Variants in GK5 observed in about 807,000 individuals in gnomAD.
The protein encoded by GK5 is ATP:glycerol 3-phosphotransferase 5.
GK5 carries 39 observed loss-of-function variants against 77.3 expected under a neutral mutation model. That is an observed-to-expected ratio of 0.50 (90% CI 0.39 to 0.66). The LOEUF (loss-of-function observed/expected upper bound fraction) is 0.66, where lower values mean the gene tolerates loss of function less well. GK5 is among the 30% of genes least tolerant of loss of function. The pLI, the probability that GK5 is intolerant of heterozygous loss-of-function variation, is 0.00. For missense variants in GK5, 487 were observed against 633.8 expected (o/e 0.77, Z 2.49); for synonymous variants, 211 against 208.0 (o/e 1.01, Z -0.13).
chr3:142,187,628 TCTA>T (rs901965054), intron 6 of GK5, 73 bp downstream of exon 6: 9 of 1,093,350 alleles, frequency 8.2e-6, no homozygotes, highest in Non-Finnish European at 1.2e-5. Flanking sequence ...AAAAGTAACT[TCTA>T]CTTTTTTTAG....
intron 12 of GK5, chr3:142,173,011 T>C (rs1230176842): frequency 7.5e-6 from 2 of 265,620 alleles, no homozygotes; most frequent in African/African-American, 4.5e-5. Flanking sequence ...AACACTATCC[T>C]GGGCAACAAA....
chr3:142,173,991 C>A (rs570833719), intron 12 of GK5, among the ~76,000 whole-genome samples: 1 of 152,132 alleles, frequency 6.6e-6, no homozygotes, highest in South Asian at 2.1e-4. Flanking sequence ...AAACTCTGGA[C>A]CCCAGAGACT....
chr3:142,200,866 A>G (rs1028598371), intron 4 of GK5, among the ~76,000 whole-genome samples: 1 of 152,260 alleles, frequency 6.6e-6, no homozygotes, highest in African/African-American at 2.4e-5. Context: ...CAATATGGGC[A>G]GAATCCTTGT....
At chr3:142,183,203 G>A in intron 9 of GK5, 154 bp from the exon 10 acceptor site, 1 of 632,960 alleles carries the variant, frequency 1.6e-6, no homozygotes, top group South Asian at 2.3e-5. Context: ...AAGAGAATAG[G>A]GAGCAACAAC....
chr3:142,180,087 C>T (rs753686364), intron 11 of GK5, among the ~76,000 whole-genome samples: 11 of 152,084 alleles, frequency 7.2e-5, no homozygotes, highest in Non-Finnish European at 1.6e-4. Context: ...CCTATGGTAG[C>T]GGCAATGGCA....
intron 6 of GK5, among the ~76,000 whole-genome samples, chr3:142,187,304 A>G (rs577222511): frequency 6.9e-5 from 10 of 144,136 alleles, no homozygotes; most frequent in South Asian, 2.2e-4. Context: ...AGGAAGGGGG[A>G]AAAAAAAAAA....
rs563706333 is a variant in GK5, at chr3:142,162,763, C to G, written c.*2859G>C. 6.6e-6 allele frequency: 1 copy of G among 151,980 alleles called. No homozygotes were observed. The highest frequency in any genetic ancestry group is 2.4e-5 in the African/African-American group (1 of 41,378). The allele number at this position is 151,980 out of a possible 1,614,324, so 9.4% of individuals were successfully genotyped here. A position where few individuals can be genotyped will look rare whatever the true frequency, so the allele number is the denominator to read the frequency against. On this transcript the variant is annotated 3_prime_UTR_variant, in exon 16 of 16. Transcript: ENST00000392993. The stretch of plus-strand genomic sequence containing the variant: ...CTGTAATCCTAGCACTTTGGGAGGC[C>G]GAGGTGGGTGGGTCACAAGGTCAGG...
chr3:142,174,146 G>A (rs1174234280), intron 12 of GK5, among the ~76,000 whole-genome samples: 4 of 152,110 alleles, frequency 2.6e-5, no homozygotes, highest in Admixed American at 2.6e-4. Context: ...AACCTTGTCC[G>A]ATGTACTCCC....
In GK5 at chr3:142,225,474, T is replaced by G. The variant is rs1382997561; in HGVS notation, c.-19A>C. The G allele has an allele frequency of 2.5e-6, 4 of 1,598,102 alleles. No homozygotes were observed. In the Admixed American group the frequency reaches 5.1e-5, roughly 20 times the overall value. On this transcript the variant is annotated 5_prime_UTR_variant, in exon 1 of 16. Transcript: ENST00000392993. The stretch of plus-strand genomic sequence containing the variant: ...CCGACATCCCGATCCCGCACGCCTC[T>G]CCGCTACAGCCGCCTACCCAGAGGG...
chr3:142,162,324 C>T lies in GK5; in HGVS notation c.*3298G>A, dbSNP rs897692721. On this transcript the variant is annotated 3_prime_UTR_variant, in exon 16 of 16. Transcript: ENST00000392993. ...CTCTCAGAATGGCAATGTTTGAAGA[C>T]ATTTTTGGCCATAACAACTAGGGGG... 6.6e-6 allele frequency: 1 copy of T among 152,124 alleles called. No individual in the cohort carries two copies. Among genetic ancestry groups the T allele is most frequent in the African/African-American group, 2.4e-5 (1 of 41,398 alleles). The allele number at this position is 152,124 out of a possible 1,614,324, so 9.4% of individuals were successfully genotyped here.
At chr3:142,167,385 A>T (rs7642239) in intron 15 of GK5, among the ~76,000 whole-genome samples, 72,533 of 150,802 alleles carry the variant, frequency 0.48, 19,355 homozygotes, top group African/African-American at 0.73. Context: ...AAAAAAAAAA[A>T]TTTTTAATTA....
chr3:142,209,827 T>C (rs1024413078), intron 3 of GK5, among the ~76,000 whole-genome samples: 1 of 152,110 alleles, frequency 6.6e-6, no homozygotes, highest in African/African-American at 2.4e-5. Flanking sequence ...CCTCAAACAG[T>C]TATGAGTGAA....
At chr3:142,182,569 G>A (rs545948949) in intron 10 of GK5, among the ~76,000 whole-genome samples, 2 of 152,000 alleles carry the variant, frequency 1.3e-5, no homozygotes, top group South Asian at 2.1e-4. Context: ...GGCTGGTCTC[G>A]AACTCCTGAC....
At position 142,161,431 on chromosome 3, in the gene GK5, T is replaced by C. The variant is rs984454284; in HGVS notation, c.*4191A>G. 3.4e-4 allele frequency: 51 copies of C among 152,166 alleles called. No homozygotes were observed. The highest frequency in any genetic ancestry group is 1.2e-3 in the African/African-American group (51 of 41,430). The allele number at this position is 152,166 out of a possible 1,614,324, so 9.4% of individuals were successfully genotyped here. A position where few individuals can be genotyped will look rare whatever the true frequency, so the allele number is the denominator to read the frequency against. ...GTATTTTACTCACAACAAATATAAA[T>C]TGCCCCCATCAACAAATGTATGTAA... On this transcript the variant is annotated 3_prime_UTR_variant, in exon 16 of 16. Coordinates refer to ENST00000392993, the MANE Select transcript of GK5 (RefSeq NM_001039547.3).
chr3:142,165,344 CTGTCAAAATG>C lies in GK5; in HGVS notation c.*268_*277del. 3.7e-6 allele frequency: 1 copy of C among 269,368 alleles called. No individual in the cohort carries two copies. Among genetic ancestry groups the C allele is most frequent in the Admixed American group, 5.3e-5 (1 of 19,026 alleles). 16.7% of individuals were successfully genotyped at this position (269,368 alleles called of 1,614,324 possible). ...GTATAAAAAGGAAGAGGACCCATAA[CTGTCAAAATG>C]TGGTTGGAAATGACTAATGTCCTTT... On this transcript the variant is annotated 3_prime_UTR_variant, in exon 16 of 16. Coordinates refer to ENST00000392993, the MANE Select transcript of GK5 (RefSeq NM_001039547.3).
chr3:142,194,178 A>G (rs552929394), intron 5 of GK5, among the ~76,000 whole-genome samples: 2 of 152,320 alleles, frequency 1.3e-5, no homozygotes, highest in South Asian at 4.1e-4. Flanking sequence ...TGAGCCCAGG[A>G]GTTCAAGAGC....
At chr3:142,181,667 C>T (rs1440385760) in intron 10 of GK5, 102 bp from the exon 11 acceptor site, 1 of 740,664 alleles carries the variant, frequency 1.4e-6, no homozygotes, top group East Asian at 2.8e-5. Context: ...CTGCAAAGTG[C>T]CTCTGAAGTC....
At chr3:142,196,764 A>T (rs893336788) in intron 5 of GK5, among the ~76,000 whole-genome samples, 1 of 152,146 alleles carries the variant, frequency 6.6e-6, no homozygotes, top group African/African-American at 2.4e-5. Flanking sequence ...TTCCATGTAC[A>T]CTTCAAGAGA....
intron 9 of GK5, chr3:142,185,238 C>A (rs2063752807): frequency 6.6e-6 from 3 of 453,598 alleles, no homozygotes; most frequent in South Asian, 1.9e-4. Flanking sequence ...ACAGCAAAAT[C>A]CTATGTCTAC....
Sources: gnomAD v4.1 joint callset for allele counts (sites outside exome capture counted in the v4.1 genomes callset) on GRCh38, gnomAD v4.1.1 for gene constraint, MANE v1.5 for transcripts, NCBI Gene and HGNC (gene_info 2026-07-23, HGNC 2026-07-21) for gene names.